The following ABCC4 variants were observed in gnomAD, a reference collection of about 807,000 sequenced individuals.
The protein encoded by ABCC4 is ATP binding cassette subfamily C member 4 (PEL blood group).
In ABCC4, 102 loss-of-function variants were observed where a neutral mutation model predicts 168.5. The observed-to-expected ratio is 0.61, with a 90% CI of 0.52 to 0.71. ABCC4 has a LOEUF of 0.71. ABCC4 is among the 30% of genes least tolerant of loss of function. The pLI is 0.00. For synonymous variants in ABCC4, 617 were observed against 590.7 expected (o/e 1.04, Z -0.65); for missense variants, 1,402 against 1,605.8 (o/e 0.87, Z 2.17).
intron 4 of ABCC4, among the ~76,000 whole-genome samples, chr13:95,225,968 TAAAAAAAAA>T (rs11414379): frequency 4.2e-5 from 5 of 117,788 alleles, no homozygotes; most frequent in South Asian, 3.0e-4. Context: ...CATCTCCACT[TAAAAAAAAA>T]AAAAAAAGAA....
chr13:95,091,127 C>A lies in ABCC4; in HGVS notation c.2536-7837G>T, dbSNP rs191763409. ...AAAGAATAAGAAAATATGAACAAAACCTCCAAGAAGTCTGGGATTATGTTA... is the reference window on the plus strand; with the variant it reads ...AAAGAATAAGAAAATATGAACAAAAACTCCAAGAAGTCTGGGATTATGTTA... On this transcript the variant is annotated intron_variant, in intron 20 of 30. Coordinates refer to ENST00000645237, the MANE Select transcript of ABCC4 (RefSeq NM_005845.5). 8.1e-3 allele frequency among the ~76,000 whole-genome samples: 1,237 copies of A among 152,218 alleles called. 15 individuals carry two copies. Among genetic ancestry groups the A allele is most frequent in the African/African-American group, 0.026 (1,100 of 41,550 alleles).
chr13:95,152,625 A>G (rs986311683), intron 19 of ABCC4, among the ~76,000 whole-genome samples: 7 of 152,202 alleles, frequency 4.6e-5, no homozygotes, highest in African/African-American at 1.4e-4. Context: ...AAAAGCAAAA[A>G]TGTTTTAAAC....
intron 3 of ABCC4, among the ~76,000 whole-genome samples, chr13:95,242,619 C>T (rs2039979618): frequency 6.6e-6 from 1 of 152,116 alleles, no homozygotes; most frequent in Non-Finnish European, 1.5e-5. Flanking sequence ...AACTCCTGGG[C>T]TCAAATAATC....
rs942001955 is a variant in ABCC4 at position 95,020,590 on chromosome 13, T to C, written c.*985A>G. On this transcript the variant is annotated 3_prime_UTR_variant, in exon 31 of 31. Transcript: ENST00000645237. Reference sequence around the variant, plus strand: ...TGCATCCTGAGAACGTACTGCATAATTATAGTCAATGCTTGCAATAATTTT... The same window carrying C: ...TGCATCCTGAGAACGTACTGCATAACTATAGTCAATGCTTGCAATAATTTT... 1.4e-4 allele frequency: 22 copies of C among 152,326 alleles called. No homozygotes were observed. Among genetic ancestry groups the C allele is most frequent in the African/African-American group, 5.1e-4 (21 of 41,448 alleles). 9.4% of individuals were successfully genotyped at this position (152,326 alleles called of 1,614,324 possible). A position where few individuals can be genotyped will look rare whatever the true frequency, so the allele number is the denominator to read the frequency against.
At chr13:95,231,591 A>T (rs1318717490) in intron 4 of ABCC4, among the ~76,000 whole-genome samples, 1 of 152,174 alleles carries the variant, frequency 6.6e-6, no homozygotes, top group Non-Finnish European at 1.5e-5. Context: ...CCCACGTGTG[A>T]GGAGGAAGTG....
chr13:95,061,901 T>C (rs2033313272), intron 26 of ABCC4, among the ~76,000 whole-genome samples: 1 of 152,120 alleles, frequency 6.6e-6, no homozygotes, highest in Non-Finnish European at 1.5e-5. Context: ...GAATTTATGT[T>C]AAATATGAAC....
intron 1 of ABCC4, among the ~76,000 whole-genome samples, chr13:95,283,789 T>C (rs1185014984): frequency 5.3e-5 from 8 of 149,800 alleles, no homozygotes; most frequent in Non-Finnish European, 1.2e-4. Context: ...TCCCAGCTAC[T>C]AGGGAGGCTG....
chr13:95,249,177 C>T (rs2040193006), intron 1 of ABCC4, among the ~76,000 whole-genome samples: 1 of 151,456 alleles, frequency 6.6e-6, no homozygotes, highest in Non-Finnish European at 1.5e-5. Context: ...GCTGTGATCG[C>T]CACTGCACAC....
chr13:95,110,142 C>T (rs1291363451), intron 20 of ABCC4, among the ~76,000 whole-genome samples: 1 of 151,986 alleles, frequency 6.6e-6, no homozygotes, highest in Non-Finnish European at 1.5e-5. Flanking sequence ...AACCCCATCT[C>T]TACTAAAAAT....
At chr13:95,169,280 C>T (rs2037388087) in intron 14 of ABCC4, among the ~76,000 whole-genome samples, 1 of 152,166 alleles carries the variant, frequency 6.6e-6, no homozygotes, top group Non-Finnish European at 1.5e-5. Context: ...CACACTAGAC[C>T]AACCCCTTAT....
rs1729779 is a variant in ABCC4, at chr13:95,056,645, G to C, written c.3367-3461C>G. ...TCCCTTTGAATTTTGTTCTCAAAAA[G>C]AAGAAAAAAAAAAAAAAAGGAAAGA... On this transcript the variant is annotated intron_variant, in intron 26 of 30. Transcript: ENST00000645237. 5.6e-3 allele frequency among the ~76,000 whole-genome samples: 366 copies of C among 64,884 alleles called. 2 individuals are homozygous for C. The highest frequency in any genetic ancestry group is 0.021 in the African/African-American group (354 of 17,114). The allele number at this position is 64,884 out of a possible 152,430, so 42.6% of individuals were successfully genotyped here.
At chr13:95,044,553 G>T (rs2032497833) in intron 27 of ABCC4, 115 bp from the exon 28 acceptor site, 2 of 844,160 alleles carry the variant, frequency 2.4e-6, no homozygotes, top group Admixed American at 3.3e-5. Flanking sequence ...AACTTAAGTG[G>T]ACACACACAT....
intron 27 of ABCC4, among the ~76,000 whole-genome samples, chr13:95,047,002 TAC>T (rs1340092354): frequency 6.6e-6 from 1 of 152,144 alleles, no homozygotes; most frequent in East Asian, 1.9e-4. Flanking sequence ...TCTTAGGAGG[TAC>T]ACATACATAT....
intron 19 of ABCC4, among the ~76,000 whole-genome samples, chr13:95,159,093 T>TTATATATATAGATATATATATA (rs2036983920): frequency 1.6e-5 from 1 of 61,014 alleles, no homozygotes. Flanking sequence ...TAAATAAATT[T>TTATATATATAGATATATATATA]TATATATATA....
chr13:95,144,739 T>C (rs1313395036), intron 19 of ABCC4, among the ~76,000 whole-genome samples: 5 of 151,838 alleles, frequency 3.3e-5, no homozygotes, highest in Non-Finnish European at 7.4e-5. Context: ...AATCAGAGAC[T>C]ACACAAACAA....
intron 1 of ABCC4, among the ~76,000 whole-genome samples, chr13:95,272,863 G>T (rs549507306): frequency 1.3e-5 from 2 of 152,244 alleles, no homozygotes; most frequent in African/African-American, 4.8e-5. Flanking sequence ...ACTCCAGCCT[G>T]GGTGACAGAG....
At chr13:95,104,102 G>GT (rs919777620) in intron 20 of ABCC4, among the ~76,000 whole-genome samples, 1 of 152,036 alleles carries the variant, frequency 6.6e-6, no homozygotes, top group African/African-American at 2.4e-5. Context: ...TGGTTTTGAG[G>GT]TTTTTTTGGT....
chr13:95,276,439 C>T (rs572199282), intron 1 of ABCC4, among the ~76,000 whole-genome samples: 26 of 140,052 alleles, frequency 1.9e-4, no homozygotes, highest in African/African-American at 6.1e-4. Context: ...AAAAAGTGAA[C>T]GAAGCTGCAA....
At chr13:95,213,379 G>C (rs1480935419) in intron 4 of ABCC4, among the ~76,000 whole-genome samples, 1 of 152,236 alleles carries the variant, frequency 6.6e-6, no homozygotes, top group African/African-American at 2.4e-5. Flanking sequence ...CAGTTTCACT[G>C]AGCGGTGGAG....
Sources: allele counts gnomAD v4.1 joint callset (sites outside exome capture counted in the v4.1 genomes callset), GRCh38; gene constraint gnomAD v4.1.1; transcripts MANE v1.5; gene names NCBI Gene and HGNC (gene_info 2026-07-23, HGNC 2026-07-21).